Variants in PTDSS2 observed in about 807,000 individuals in gnomAD.
PTDSS2 encodes PSS-2.
PTDSS2 carries 41 observed loss-of-function variants against 64.7 expected under a neutral mutation model. That is an observed-to-expected ratio of 0.63 (90% confidence interval 0.49 to 0.82). PTDSS2 has a LOEUF of 0.82. Among genes scored for constraint, PTDSS2 ranks in the 40% least tolerant of loss-of-function variants. The probability of loss-of-function intolerance (pLI) is 0.00; values close to 1 mark genes in which losing one functional copy is unlikely to be tolerated. For missense variants in PTDSS2, 485 were observed against 650.0 expected, an observed-to-expected ratio of 0.75 and a Z score of 2.76; for synonymous variants, 297 against 277.8, an observed-to-expected ratio of 1.07 and a Z score of -0.69.
rs1846845769 is a variant in PTDSS2 at position 460,839 on chromosome 11, G to A, written c.284+551G>A. 6.5e-6 allele frequency: 1 copy of A among 153,310 alleles called. No individual in the cohort carries two copies. The highest frequency in any genetic ancestry group is 1.5e-5 in the Non-Finnish European group (1 of 68,782). 9.5% of individuals were successfully genotyped at this position (153,310 alleles called of 1,614,324 possible). ...TCCATGGATTCTGACGCCAGTCTCA[G>A]AAGTGCGTGTGGAAGAGAAGCTGGT... On this transcript the variant is annotated intron_variant, in intron 2 of 11. Transcript: ENST00000308020. The surrounding 1 kb of genome is among the most constrained non-coding windows in gnomAD (Gnocchi z 5.8).
chr11:472,029 ATG>A (rs1417129103), intron 2 of PTDSS2, among the ~76,000 whole-genome samples: 85 of 117,292 alleles, frequency 7.2e-4, no homozygotes, highest in Middle Eastern at 0.016. Context: ...GCCTGGGGTG[ATG>A]CGCGCCTGTC....
intron 3 of PTDSS2, among the ~76,000 whole-genome samples, chr11:477,571 GGGGA>G (rs1348020076): frequency 6.6e-6 from 1 of 152,180 alleles, no homozygotes; most frequent in Admixed American, 6.5e-5. Flanking sequence ...TTTCTGATCT[GGGGA>G]GCTGGGGCCT....
At position 476,280 on chromosome 11, in the gene PTDSS2, T is replaced by C. The variant is rs1847800564; in HGVS notation, c.367+2303T>C. Among the ~76,000 whole-genome samples the C allele has an allele frequency of 6.6e-6, 1 of 152,102 alleles. No individual in the cohort carries two copies. The highest frequency in any genetic ancestry group is 2.4e-5 in the African/African-American group (1 of 41,404). The stretch of plus-strand genomic sequence containing the variant: ...GATTCCTCAGCAGAGCCGTGGAAGG[T>C]GCAGTGATGGTGAGAAACTGCCCGT... On this transcript the variant is annotated intron_variant, in intron 3 of 11. Transcript: ENST00000308020. The surrounding 1 kb of genome is among the most constrained non-coding windows in gnomAD (Gnocchi z 4.9).
chr11:464,643 G>A (rs1214580259), intron 2 of PTDSS2, among the ~76,000 whole-genome samples: 4 of 152,210 alleles, frequency 2.6e-5, no homozygotes, highest in East Asian at 3.9e-4. Flanking sequence ...TGTGCCTGCC[G>A]GTGGGCTCAC....
At chr11:452,901 A>G (rs1222260362) in intron 1 of PTDSS2, among the ~76,000 whole-genome samples, 1 of 151,308 alleles carries the variant, frequency 6.6e-6, no homozygotes, top group Non-Finnish European at 1.5e-5. Flanking sequence ...ATTTTTATTT[A>G]TTTATTTATT....
chr11:478,302 T>A (rs75486509), intron 3 of PTDSS2, among the ~76,000 whole-genome samples: 26 of 144,376 alleles, frequency 1.8e-4, no homozygotes, highest in African/African-American at 6.6e-4. Flanking sequence ...AAAAAAAAAA[T>A]ACAAAAATTA....
intron 2 of PTDSS2, among the ~76,000 whole-genome samples, chr11:464,071 C>T (rs1198698883): frequency 6.6e-6 from 1 of 151,916 alleles, no homozygotes; most frequent in Admixed American, 6.6e-5. Context: ...CAACCTTCAC[C>T]TCCCAGGTTC....
intron 2 of PTDSS2, 142 bp from the exon 3 acceptor site, chr11:473,753 C>T (rs2133802669): frequency 2.8e-6 from 2 of 703,244 alleles, no homozygotes; most frequent in East Asian, 5.1e-5. Context: ...GCGGAGTCGC[C>T]CAGCTCTGCC....
rs533867040 is a variant in PTDSS2, at chr11:450,734, G to A, written c.182+97G>A. Reference sequence around the variant, plus strand: ...GGGTCCCCGGCAGCGCCCTCTCGCCGTCTTGGAGTCCAGGACTGTGGCCGG... The same window carrying A: ...GGGTCCCCGGCAGCGCCCTCTCGCCATCTTGGAGTCCAGGACTGTGGCCGG... On this transcript the variant is annotated intron_variant, in intron 1 of 11. Coordinates refer to ENST00000308020, the MANE Select transcript of PTDSS2 (RefSeq NM_030783.3). 1.1e-5 allele frequency: 12 copies of A among 1,064,516 alleles called. No homozygotes were observed. The East Asian group carries it at 3.6e-4, about 32-fold the overall frequency. 65.9% of individuals were successfully genotyped at this position (1,064,516 alleles called of 1,614,324 possible).
chr11:462,526 C>T lies in PTDSS2; in HGVS notation c.284+2238C>T, dbSNP rs1846939399. Reference sequence around the variant, plus strand: ...AAAAGAAGCCACCTGTCCTTCTCTGCTGCTGGCACCTAGAACCTGCTCTGG... The same window carrying T: ...AAAAGAAGCCACCTGTCCTTCTCTGTTGCTGGCACCTAGAACCTGCTCTGG... On this transcript the variant is annotated intron_variant, in intron 2 of 11. Transcript: ENST00000308020. The surrounding 1 kb of genome is among the most constrained non-coding windows in gnomAD (Gnocchi z 4.5). 6.6e-6 allele frequency among the ~76,000 whole-genome samples: 1 copy of T among 152,266 alleles called. No homozygotes were observed. Among genetic ancestry groups the T allele is most frequent in the Non-Finnish European group, 1.5e-5 (1 of 68,046 alleles).
chr11:485,854 A>G (rs12798758), intron 4 of PTDSS2, among the ~76,000 whole-genome samples: 92 of 2,648 alleles, frequency 0.035, 1 homozygote, highest in Non-Finnish European at 0.049. Context: ...GCGAGCGTAA[A>G]CAGTGCACGG....
At chr11:472,218 G>A (rs1010623443) in intron 2 of PTDSS2, among the ~76,000 whole-genome samples, 26 of 152,278 alleles carry the variant, frequency 1.7e-4, no homozygotes, top group African/African-American at 3.6e-4. Flanking sequence ...GTAGGGGGAC[G>A]TTTTACTGTC....
At position 487,122 on chromosome 11, in the gene PTDSS2, G is replaced by A. The variant is rs377077258; in HGVS notation, c.570+49G>A. ...CGAGCCCCTCCCCAGGTGTGGCCCCGTGCCGGACCAGGCGCCATCCACGCT... is the reference window on the plus strand; with the variant it reads ...CGAGCCCCTCCCCAGGTGTGGCCCCATGCCGGACCAGGCGCCATCCACGCT... On this transcript the variant is annotated intron_variant, in intron 5 of 11. Coordinates refer to ENST00000308020, the MANE Select transcript of PTDSS2 (RefSeq NM_030783.3). The A allele has an allele frequency of 4.0e-5, 62 of 1,557,674 alleles. No homozygotes were observed. The African/African-American group carries it at 4.1e-4, about 10-fold the overall frequency.
At chr11:466,382 C>T (rs1306430099) in intron 2 of PTDSS2, among the ~76,000 whole-genome samples, 1 of 150,076 alleles carries the variant, frequency 6.7e-6, no homozygotes, top group Non-Finnish European at 1.5e-5. Context: ...TGAGAACGGG[C>T]ACAGGAAAAA....
In PTDSS2 at chr11:470,262, G is replaced by A. The variant is rs1445494885; in HGVS notation, c.285-3633G>A. 2.6e-5 allele frequency among the ~76,000 whole-genome samples: 4 copies of A among 152,174 alleles called. No individual in the cohort carries two copies. The highest frequency in any genetic ancestry group is 6.5e-5 in the Admixed American group (1 of 15,276). On this transcript the variant is annotated intron_variant, in intron 2 of 11. Coordinates refer to ENST00000308020, the MANE Select transcript of PTDSS2 (RefSeq NM_030783.3). The surrounding 1 kb of genome is among the most constrained non-coding windows in gnomAD (Gnocchi z 5.3). ...TGGTCATGTTCATGGCGTGGCCGAC[G>A]GGGAGGCTGCTGCCCCATCCTCCCA...
intron 5 of PTDSS2, 136 bp from the exon 6 acceptor site, chr11:487,284 C>T: frequency 1.0e-6 from 1 of 993,762 alleles, no homozygotes; most frequent in Non-Finnish European, 1.6e-6. Context: ...TCTCCACAGG[C>T]CACGGCAGCA....
intron 1 of PTDSS2, among the ~76,000 whole-genome samples, chr11:457,168 C>T (rs1846634093): frequency 6.6e-6 from 1 of 152,244 alleles, no homozygotes; most frequent in Non-Finnish European, 1.5e-5. Flanking sequence ...CCTCCACCTG[C>T]AGTCCTGCAG....
intron 4 of PTDSS2, among the ~76,000 whole-genome samples, chr11:485,772 C>G (rs556400468): frequency 3.2e-4 from 43 of 134,890 alleles, no homozygotes; most frequent in Non-Finnish European, 5.6e-4. Context: ...TGCACGGGCG[C>G]GCGTGTGCTC....
intron 8 of PTDSS2, 144 bp downstream of exon 8, chr11:488,791 A>C: frequency 1.5e-6 from 1 of 664,770 alleles, no homozygotes. Context: ...GCCTCCTGGA[A>C]CCTCCCTCTG....
Sources: gnomAD v4.1 joint callset for allele counts (sites outside exome capture counted in the v4.1 genomes callset) on GRCh38, gnomAD v4.1.1 for gene constraint, Gnocchi (gnomAD v3.1) non-coding constraint, MANE v1.5 for transcripts, NCBI Gene and HGNC (gene_info 2026-07-23, HGNC 2026-07-21) for gene names.